The following USP9X variants were observed in gnomAD, a reference collection of about 807,000 sequenced individuals.
USP9X encodes ubiquitin carboxyl-terminal hydrolase 9X.
USP9X carries 7 observed loss-of-function variants against 190.3 expected under a neutral mutation model. The observed-to-expected ratio is 0.04, with a 90% CI of 0.02 to 0.07. The LOEUF is 0.07. Among genes scored for constraint, USP9X ranks in the 10% least tolerant of loss-of-function variants. The pLI is 1.00. For missense variants in USP9X, 1,010 were observed against 1,916.9 expected (o/e 0.53, Z 8.83); for synonymous variants, 645 against 659.5 (o/e 0.98, Z 0.34).
intron 30 of USP9X, 132 bp downstream of exon 30, chrX:41,198,882 A>G: frequency 6.1e-6 from 4 of 650,651 alleles, no homozygotes; most frequent in Non-Finnish European, 9.1e-6. Context: ...TTAGTGAGTG[A>G]ATGAACAGTT....
intron 5 of USP9X, 106 bp from the exon 6 acceptor site, chrX:41,136,698 A>G: frequency 3.5e-6 from 2 of 563,516 alleles, no homozygotes; most frequent in Non-Finnish European, 5.7e-6. Flanking sequence ...GATTAGAAAA[A>G]TGGAGAGATC....
chrX:41,167,510 C>T lies in USP9X; in HGVS notation c.2357C>T (p.Ala786Val). 8.3e-7 allele frequency: 1 copy of T among 1,206,540 alleles called. No individual in the cohort carries two copies. Among genetic ancestry groups the T allele is most frequent in the Non-Finnish European group, 1.1e-6 (1 of 892,462 alleles). ...GTGATTCAGAGTAATGATGATATTG[C>T]CAGCAGAGCTATAGATCTCCTCAAA... Reference protein sequence around the residue: ...RVVIQSNDDIASRAIDLLKEI... With the variant: ...RVVIQSNDDIVSRAIDLLKEI... The change falls in exon 17 of 45, where the codon GCC (alanine) becomes GTC (valine). Residue 786 changes from alanine (A) to valine (V), a missense_variant. Around this residue, in one of 11 missense-constraint regions of USP9X, gnomAD observed 104 missense variants for 239.8 expected, o/e 0.43. Coordinates refer to ENST00000378308, the MANE Select transcript of USP9X (RefSeq NM_001039591.3).
Position 41,230,518 on chromosome X carries a change from T to C in USP9X, c.7449T>C (p.Asp2483=). ...LCPEEEPDDQ[D]APDEHESPPP... Reference sequence around the variant, plus strand: ...AAAATTAGGAGCCAGATGACCAAGATGCTCCAGATGAACATGAGTCGCCTC... The same window carrying C: ...AAAATTAGGAGCCAGATGACCAAGACGCTCCAGATGAACATGAGTCGCCTC... Residue 2483 remains aspartate (D), a synonymous_variant, in exon 44 of 45, where the codon GAT becomes GAC. Transcript: ENST00000378308. 8.3e-7 allele frequency: 1 copy of C among 1,210,755 alleles called. No homozygotes were observed. The highest frequency in any genetic ancestry group is 1.1e-6 in the Non-Finnish European group (1 of 894,977).
intron 20 of USP9X, among the ~76,000 whole-genome samples, chrX:41,170,854 A>G (rs992421027): frequency 1.8e-5 from 2 of 111,880 alleles, no homozygotes; most frequent in Non-Finnish European, 3.8e-5. Context: ...ACATAAAATT[A>G]ACCAATTAGA....
At chrX:41,182,833 C>T (rs1000609811) in intron 21 of USP9X, among the ~76,000 whole-genome samples, 40 of 110,793 alleles carry the variant, frequency 3.6e-4, no homozygotes, top group African/African-American at 1.2e-3. Context: ...GCTATGCCTT[C>T]AGAGTAGAGA....
At chrX:41,140,244 CAAG>C (rs1446021170) in intron 6 of USP9X, among the ~76,000 whole-genome samples, 1 of 112,328 alleles carries the variant, frequency 8.9e-6, no homozygotes, top group Non-Finnish European at 1.9e-5. Flanking sequence ...TACAACTAAA[CAAG>C]AAGTAGATTC....
chrX:41,103,318 T>G, intron 1 of USP9X, among the ~76,000 whole-genome samples: 1 of 112,626 alleles, frequency 8.9e-6, no homozygotes, highest in African/African-American at 3.2e-5. Context: ...TCTTTTCGTT[T>G]TGATGATATT....
intron 24 of USP9X, 41 bp from the exon 25 acceptor site, chrX:41,187,949 ACT>A (rs767142079): frequency 2.6e-5 from 30 of 1,163,028 alleles, no homozygotes; most frequent in African/African-American, 3.6e-5. Flanking sequence ...ACATAATTTC[ACT>A]CTCATTCTAT....
intron 1 of USP9X, among the ~76,000 whole-genome samples, chrX:41,097,821 A>G (rs2062003487): frequency 9.0e-6 from 1 of 111,580 alleles, no homozygotes; most frequent in Non-Finnish European, 1.9e-5. Flanking sequence ...AATGGCAAGT[A>G]AAGTCTTAAG....
intron 24 of USP9X, 107 bp from the exon 25 acceptor site, chrX:41,187,885 A>G (rs2062895964): frequency 1.3e-6 from 1 of 768,496 alleles, no homozygotes; most frequent in African/African-American, 2.2e-5. Context: ...AAACAATGGT[A>G]CTACACAGTA....
At chrX:41,122,971 G>T (rs2062203776) in intron 1 of USP9X, among the ~76,000 whole-genome samples, 1 of 110,828 alleles carries the variant, frequency 9.0e-6, no homozygotes, top group Non-Finnish European at 1.9e-5. Context: ...TCTGCTTTTG[G>T]AGCCTGGGGC....
rs906086479 is a variant in USP9X at position 41,200,501 on chromosome X, T to TTA, written c.4604-556_4604-555dup. On this transcript the variant is annotated intron_variant, in intron 30 of 44. Transcript: ENST00000378308. ...GTCTTGCTTGCTCCTCAAAATAGCATTATAGATATCAGGAAAGCAAGTGTT... is the reference window on the plus strand; with the variant it reads ...GTCTTGCTTGCTCCTCAAAATAGCATTATATAGATATCAGGAAAGCAAGTGTT... 5.4e-5 allele frequency among the ~76,000 whole-genome samples: 6 copies of TTA among 111,759 alleles called. No individual in the cohort carries two copies. The East Asian group carries it at 8.3e-4, about 16-fold the overall frequency.
At chrX:41,192,588 A>G (rs1269429565) in intron 26 of USP9X, among the ~76,000 whole-genome samples, 2 of 111,818 alleles carry the variant, frequency 1.8e-5, no homozygotes, top group African/African-American at 6.5e-5. Context: ...AAAAGGAGTC[A>G]AGGATAATAC....
At chrX:41,129,240 C>T (rs779976447) in intron 3 of USP9X, 95 bp downstream of exon 3, 16 of 851,628 alleles carry the variant, frequency 1.9e-5, no homozygotes, top group South Asian at 5.6e-5. Flanking sequence ...CTGCCAAGTG[C>T]TTTATAACCC....
At chrX:41,197,110 T>C (rs915268785) in intron 28 of USP9X, among the ~76,000 whole-genome samples, 1 of 112,338 alleles carries the variant, frequency 8.9e-6, no homozygotes, top group African/African-American at 3.2e-5. Flanking sequence ...TTAGGCAAAA[T>C]GATACAAGAA....
chrX:41,220,160 C>G (rs1488195740), intron 38 of USP9X, among the ~76,000 whole-genome samples: 2 of 111,761 alleles, frequency 1.8e-5, no homozygotes, highest in Non-Finnish European at 3.8e-5. Context: ...CTTCTTTTCC[C>G]TTGTCTTTTC....
chrX:41,222,207 G>T (rs1323463699), intron 38 of USP9X, among the ~76,000 whole-genome samples: 1 of 112,005 alleles, frequency 8.9e-6, no homozygotes, highest in African/African-American at 3.2e-5. Flanking sequence ...AGCCGTGAGC[G>T]TGGGCTAGAT....
chrX:41,130,629 C>A lies in USP9X; in HGVS notation c.243-828C>A, dbSNP rs1030173741. Among the ~76,000 whole-genome samples, 4 of 108,613 alleles carry A rather than the reference C, an allele frequency of 3.7e-5. No homozygotes were observed. The East Asian group carries it at 8.6e-4, about 23-fold the overall frequency. The allele number at this position is 108,613 out of a possible 115,157, so 94.3% of individuals were successfully genotyped here. A position where few individuals can be genotyped will look rare whatever the true frequency, so the allele number is the denominator to read the frequency against. ...TCAGCCTCCCGAGTAGCTAGGACTA[C>A]AGGCACGTGCCACCATACCCAGCTA... On this transcript the variant is annotated intron_variant, in intron 3 of 44. Transcript: ENST00000378308.
At chrX:41,101,687 AAAAT>A (rs770762454) in intron 1 of USP9X, among the ~76,000 whole-genome samples, 1 of 112,189 alleles carries the variant, frequency 8.9e-6, no homozygotes, top group East Asian at 2.8e-4. Context: ...TAAATTAAAA[AAAAT>A]AAATAAATAA....
Sources: allele counts gnomAD v4.1 joint callset (sites outside exome capture counted in the v4.1 genomes callset), GRCh38; gene constraint gnomAD v4.1.1; regional missense constraint gnomAD v4.1.1; transcripts MANE v1.5; gene names NCBI Gene and HGNC (gene_info 2026-07-23, HGNC 2026-07-21).